The following GRK7 variants were observed in gnomAD, a reference collection of about 807,000 sequenced individuals.
The protein encoded by GRK7 is G protein-coupled receptor kinase 7.
A neutral mutation model predicts 34.1 loss-of-function variants in GRK7; 24 were observed. The ratio of observed to expected loss-of-function variants is 0.70; its 90% CI spans 0.51 to 0.99. The LOEUF is 0.99. GRK7 is among the 50% of genes least tolerant of loss of function. GRK7 has a pLI of 0.00. For synonymous variants in GRK7, 256 were observed against 279.4 expected, an observed-to-expected ratio of 0.92 and a Z score of 0.84; for missense variants, 644 against 707.3, an observed-to-expected ratio of 0.91 and a Z score of 1.02.
At chr3:141,799,370 TG>T (rs1259879328) in intron 4 of GRK7, among the ~76,000 whole-genome samples, 5 of 152,040 alleles carry the variant, frequency 3.3e-5, no homozygotes, top group African/African-American at 1.2e-4. Context: ...CCCAGCCCTT[TG>T]GGAGGCTGTG....
chr3:141,799,720 T>A (rs1710931682), intron 4 of GRK7, among the ~76,000 whole-genome samples: 1 of 152,154 alleles, frequency 6.6e-6, no homozygotes, highest in South Asian at 2.1e-4. Context: ...GGACGCTATC[T>A]CATAGGGTTA....
intron 4 of GRK7, among the ~76,000 whole-genome samples, chr3:141,798,251 G>T (rs973504612): frequency 2.0e-5 from 3 of 152,206 alleles, no homozygotes; most frequent in Non-Finnish European, 4.4e-5. Context: ...GTACTAGAAG[G>T]ACTTCCCGCT....
chr3:141,816,663 C>T (rs1265882293), intron 5 of GRK7, 51 bp from the exon 6 acceptor site: 3 of 1,045,796 alleles, frequency 2.9e-6, no homozygotes, highest in Non-Finnish European at 4.2e-6. Context: ...GAACATGTCC[C>T]ATTTTGTTTT....
chr3:141,809,436 G>T (rs1442703597), intron 5 of GRK7, among the ~76,000 whole-genome samples: 1 of 152,152 alleles, frequency 6.6e-6, no homozygotes, highest in Non-Finnish European at 1.5e-5. Context: ...CAGTGGTCAT[G>T]CCTGTAATCT....
At chr3:141,784,318 C>T (rs766564922) in intron 4 of GRK7, among the ~76,000 whole-genome samples, 2 of 152,176 alleles carry the variant, frequency 1.3e-5, no homozygotes, top group Non-Finnish European at 2.9e-5. Context: ...CCTTTTACCT[C>T]TGCATCCCTC....
At chr3:141,800,945 A>C (rs1192945564) in intron 4 of GRK7, among the ~76,000 whole-genome samples, 2 of 152,222 alleles carry the variant, frequency 1.3e-5, no homozygotes, top group Non-Finnish European at 2.9e-5. Flanking sequence ...ATTATGTATC[A>C]ATAAAATCAT....
intron 1 of GRK7, among the ~76,000 whole-genome samples, chr3:141,770,127 C>T (rs2084610401): frequency 6.6e-6 from 1 of 152,198 alleles, no homozygotes; most frequent in Admixed American, 6.5e-5. Flanking sequence ...GTTGGCCAGG[C>T]TGATCTCAAG....
chr3:141,786,635 G>A (rs1160873801), intron 4 of GRK7, among the ~76,000 whole-genome samples: 1 of 152,000 alleles, frequency 6.6e-6, no homozygotes, highest in African/African-American at 2.4e-5. Flanking sequence ...AAAATTAGCT[G>A]GGCATGATGG....
At position 141,807,711 on chromosome 3, in the gene GRK7, G is replaced by T. The variant is rs1711050174; in HGVS notation, c.1117G>T (p.Asp373Tyr). ...AAAGGTAAGTTATTCCTATCCTGTG[G>T]ACTGGTTTGCCATGGGATGCAGCAT... ...MEKVSYSYPV[D>Y]WFAMGCSIYE... The change falls in exon 5 of 6, where the codon GAC (aspartate) becomes TAC (tyrosine). Residue 373 changes from aspartate to tyrosine, a missense_variant. Asp to Tyr is a radical substitution (Grantham distance 160, BLOSUM62 -3). Transcript: ENST00000682958. The T allele has an allele frequency of 1.2e-6, 2 of 1,614,096 alleles. No homozygotes were observed. The highest frequency in any genetic ancestry group is 1.7e-6 in the Non-Finnish European group (2 of 1,179,944).
intron 5 of GRK7, among the ~76,000 whole-genome samples, chr3:141,815,768 C>T (rs1179796977): frequency 6.6e-6 from 1 of 150,630 alleles, no homozygotes; most frequent in Non-Finnish European, 1.5e-5. Context: ...TGCAATGTTT[C>T]AAGACAGCCC....
At chr3:141,788,139 G>A (rs1156330508) in intron 4 of GRK7, among the ~76,000 whole-genome samples, 7 of 152,200 alleles carry the variant, frequency 4.6e-5, no homozygotes, top group Non-Finnish European at 1.5e-5. Flanking sequence ...ACTCTTCCCT[G>A]GGTATGAGCT....
the GRK7 span, among the ~76,000 whole-genome samples, chr3:141,753,341 A>T: frequency 6.6e-6 from 1 of 152,148 alleles, no homozygotes; most frequent in South Asian, 2.1e-4. Flanking sequence ...GGTGTTCTAT[A>T]CAATTTTATG....
intron 1 of GRK7, among the ~76,000 whole-genome samples, chr3:141,768,301 G>A (rs537611276): frequency 2.1e-5 from 3 of 141,648 alleles, no homozygotes; most frequent in South Asian, 4.4e-4. Context: ...ACGGAGTCTC[G>A]CTCTCTTCCC....
the GRK7 span, among the ~76,000 whole-genome samples, chr3:141,756,225 T>C: frequency 3.1e-3 from 468 of 151,088 alleles, 6 homozygotes; most frequent in African/African-American, 0.011. Context: ...GGCAAGAGAA[T>C]CGCTTGAACC....
the GRK7 span, among the ~76,000 whole-genome samples, chr3:141,752,508 T>G: frequency 6.6e-6 from 1 of 152,230 alleles, no homozygotes; most frequent in Non-Finnish European, 1.5e-5. Flanking sequence ...TGATTAATAA[T>G]AACTTATATA....
chr3:141,799,437 A>C (rs932108796), intron 4 of GRK7, among the ~76,000 whole-genome samples: 1 of 152,008 alleles, frequency 6.6e-6, no homozygotes, highest in African/African-American at 2.4e-5. Context: ...ACATGGTGAA[A>C]CCCTGTCTCT....
intron 5 of GRK7, 142 bp from the exon 6 acceptor site, chr3:141,816,572 C>T (rs1262194926): frequency 8.3e-6 from 4 of 482,664 alleles, no homozygotes; most frequent in African/African-American, 7.9e-5. Flanking sequence ...TATTATTTTT[C>T]AGTTATTCTT....
intron 4 of GRK7, among the ~76,000 whole-genome samples, chr3:141,782,945 T>C (rs2084679173): frequency 6.6e-6 from 1 of 152,208 alleles, no homozygotes; most frequent in South Asian, 2.1e-4. Flanking sequence ...AGAGGTTTAT[T>C]TTTCTTATGT....
intron 5 of GRK7, among the ~76,000 whole-genome samples, chr3:141,809,792 C>T (rs1711074361): frequency 1.3e-5 from 2 of 151,836 alleles, no homozygotes; most frequent in African/African-American, 4.8e-5. Flanking sequence ...GGGAGAAAAT[C>T]AAGAGCTTTA....
Sources: allele counts gnomAD v4.1 joint callset (sites outside exome capture counted in the v4.1 genomes callset), GRCh38; gene constraint gnomAD v4.1.1; transcripts MANE v1.5; gene names NCBI Gene and HGNC (gene_info 2026-07-23, HGNC 2026-07-21).